Variants in NDRG4 observed in about 807,000 individuals in gnomAD.
NDRG4 encodes NDRG family member 4, also known as protein NDRG4.
In NDRG4, 38 loss-of-function variants were observed where a neutral mutation model predicts 55.8. The observed-to-expected ratio is 0.68, with a 90% CI of 0.53 to 0.89. The LOEUF is 0.89. NDRG4 is among the 40% of genes least tolerant of loss of function. NDRG4 has a pLI of 0.00. For missense variants in NDRG4, 455 were observed against 468.6 expected, an observed-to-expected ratio of 0.97 and a Z score of 0.27; for synonymous variants, 190 against 182.7, an observed-to-expected ratio of 1.04 and a Z score of -0.32.
At chr16:58,478,675 T>A (rs926796788) in intron 1 of NDRG4, among the ~76,000 whole-genome samples, 1 of 141,984 alleles carries the variant, frequency 7.0e-6, no homozygotes, top group South Asian at 2.3e-4. Context: ...AATGTCTGTG[T>A]TTCTGTGCTT....
At chr16:58,491,764 C>T (rs545734400) in intron 2 of NDRG4, among the ~76,000 whole-genome samples, 24 of 152,254 alleles carry the variant, frequency 1.6e-4, no homozygotes, top group African/African-American at 5.3e-4. Flanking sequence ...CCAGCCCCAT[C>T]CTTTTCACTT....
At chr16:58,487,633 C>T in intron 1 of NDRG4, 4 of 695,360 alleles carry the variant, frequency 5.8e-6, no homozygotes, top group Non-Finnish European at 9.0e-6. Context: ...GTGGGCTGCG[C>T]TTGGGGGCCA....
upstream of NDRG4, among the ~76,000 whole-genome samples, chr16:58,495,892 G>A (rs2036349062): frequency 6.6e-6 from 1 of 152,184 alleles, no homozygotes; most frequent in Non-Finnish European, 1.5e-5. Flanking sequence ...CGGCAGTGGG[G>A]AGTGAATGGG....
At chr16:58,484,690 T>C (rs900409047) in intron 1 of NDRG4, among the ~76,000 whole-genome samples, 3 of 152,066 alleles carry the variant, frequency 2.0e-5, no homozygotes. Context: ...TCCTGTCCCT[T>C]TAGGGAATAA....
chr16:58,498,532 G>A (rs531828040), upstream of NDRG4, among the ~76,000 whole-genome samples: 4 of 152,318 alleles, frequency 2.6e-5, no homozygotes, highest in South Asian at 4.1e-4. Flanking sequence ...GGTGAGTGGC[G>A]TGTTCCTTCT....
rs149207942 is a variant in NDRG4, at chr16:58,476,137, T to G, written c.-23-11619T>G. ...AGAACACTGCCTGAAAGTAACATGC[T>G]TCCATTTACCTCGCACTGGCAGAAC... On this transcript the variant is annotated intron_variant, in intron 1 of 15. Transcript: ENST00000258187. Among the ~76,000 whole-genome samples the G allele has an allele frequency of 8.3e-3, 1,268 of 152,338 alleles. 21 individuals carry two copies. Among genetic ancestry groups the G allele is most frequent in the Middle Eastern group, 0.031 (9 of 294 alleles).
At chr16:58,489,333 T>C (rs1291668784) in intron 2 of NDRG4, among the ~76,000 whole-genome samples, 1 of 151,804 alleles carries the variant, frequency 6.6e-6, no homozygotes, top group Non-Finnish European at 1.5e-5. Context: ...TAACGAGCCA[T>C]CTCAGTCAGA....
chr16:58,506,778 C>A, intron 7 of NDRG4, 134 bp from the exon 8 acceptor site: 1 of 1,156,044 alleles, frequency 8.7e-7, no homozygotes, highest in Non-Finnish European at 1.3e-6. Context: ...CACCTCCTAC[C>A]TGCCCCCACC....
chr16:58,503,941 T>TC (rs764374295), intron 2 of NDRG4, 38 bp downstream of exon 2: 4 of 1,607,918 alleles, frequency 2.5e-6, no homozygotes, highest in Non-Finnish European at 3.4e-6. Context: ...CTCCTCTGCC[T>TC]CCCATCAGCC....
intron 1 of NDRG4, among the ~76,000 whole-genome samples, chr16:58,479,286 G>A (rs2034114418): frequency 6.6e-6 from 1 of 152,166 alleles, no homozygotes; most frequent in African/African-American, 2.4e-5. Context: ...TTTGAGTGGA[G>A]CTGCCTTGTT....
chr16:58,494,089 C>T (rs2036113238), intron 2 of NDRG4, among the ~76,000 whole-genome samples: 1 of 152,194 alleles, frequency 6.6e-6, no homozygotes, highest in Non-Finnish European at 1.5e-5. Context: ...CCTGATTGTT[C>T]ATCCAGATCT....
At chr16:58,471,022 G>C (rs1031997784) in intron 1 of NDRG4, among the ~76,000 whole-genome samples, 1 of 152,018 alleles carries the variant, frequency 6.6e-6, no homozygotes, top group African/African-American at 2.4e-5. Context: ...GGAGGAAGGG[G>C]CTACCAGCCA....
At chr16:58,465,256 G>T (rs943322499) in intron 1 of NDRG4, 1 of 536,826 alleles carries the variant, frequency 1.9e-6, no homozygotes, top group Admixed American at 2.3e-5. Context: ...TCCGACACCT[G>T]GGGGAGGGGG....
chr16:58,465,106 G>A (rs2031328018), intron 1 of NDRG4: 1 of 1,286,954 alleles, frequency 7.8e-7, no homozygotes, highest in African/African-American at 1.5e-5. Context: ...GGGAGGATTC[G>A]AGGAGTGACT....
At position 58,508,010 on chromosome 16, in the gene NDRG4, G is replaced by A; in HGVS notation, c.729+11G>A. The A allele has an allele frequency of 1.3e-6, 2 of 1,548,338 alleles. No homozygotes were observed. The highest frequency in any genetic ancestry group is 8.7e-7 in the Non-Finnish European group (1 of 1,142,956). ...GCTGAGGACGGGGTGGTAAGTGAGG[G>A]GCTGTGGGCTCACTGGGGGTGGGAG... On this transcript the variant is annotated intron_variant, in intron 10 of 14. Coordinates refer to ENST00000570248, the MANE Select transcript of NDRG4 (RefSeq NM_001242835.2).
At chr16:58,502,902 G>A (rs1014023814) in intron 1 of NDRG4, among the ~76,000 whole-genome samples, 3 of 152,204 alleles carry the variant, frequency 2.0e-5, no homozygotes, top group African/African-American at 7.2e-5. Flanking sequence ...CAGCGAGAAG[G>A]GCATTCTCCC....
chr16:58,475,988 G>A (rs962617575), intron 1 of NDRG4, among the ~76,000 whole-genome samples: 1 of 152,154 alleles, frequency 6.6e-6, no homozygotes, highest in African/African-American at 2.4e-5. Flanking sequence ...ACAGAGATGG[G>A]GTTTTGCCAT....
chr16:58,501,862 C>T (rs1408182898), intron 1 of NDRG4: 3 of 412,424 alleles, frequency 7.3e-6, no homozygotes, highest in Non-Finnish European at 1.5e-5. Flanking sequence ...CAGGCGGACC[C>T]GCACGCTGCG....
At chr16:58,504,946 C>T (rs1165480474) in intron 5 of NDRG4, among the ~76,000 whole-genome samples, 2 of 152,352 alleles carry the variant, frequency 1.3e-5, no homozygotes, top group East Asian at 3.9e-4. Context: ...ATACAACTAA[C>T]TGCTCTAGCC....
Sources: gnomAD v4.1 joint callset for allele counts (sites outside exome capture counted in the v4.1 genomes callset) on GRCh38, gnomAD v4.1.1 for gene constraint, MANE v1.5 for transcripts, NCBI Gene and HGNC (gene_info 2026-07-23, HGNC 2026-07-21) for gene names.